Variants in SYT1 observed in about 807,000 individuals in gnomAD.
SYT1 encodes synaptotagmin-1.
In SYT1, 8 loss-of-function variants were observed where a neutral mutation model predicts 44.8. The observed-to-expected ratio is 0.18, with a 90% confidence interval of 0.10 to 0.32. SYT1 has a LOEUF of 0.32. Among genes scored for constraint, SYT1 ranks in the 10% least tolerant of loss-of-function variants. SYT1 has a pLI of 1.00. For synonymous variants in SYT1, 154 were observed against 188.8 expected, an observed-to-expected ratio of 0.82 and a Z score of 1.51; for missense variants, 286 against 509.3, an observed-to-expected ratio of 0.56 and a Z score of 4.22.
intron 1 of SYT1, among the ~76,000 whole-genome samples, chr12:78,959,226 C>T (rs1219023322): frequency 6.6e-6 from 1 of 151,832 alleles, no homozygotes; most frequent in Admixed American, 6.6e-5. Context: ...CATGTATATA[C>T]GTAATTTATA....
chr12:79,160,834 T>C (rs1001112201), intron 3 of SYT1, among the ~76,000 whole-genome samples: 2 of 152,020 alleles, frequency 1.3e-5, no homozygotes, highest in Admixed American at 6.6e-5. Flanking sequence ...ATAGTAAAGG[T>C]TTCAAGCATA....
chr12:78,883,175 G>T (rs977899452), intron 1 of SYT1, among the ~76,000 whole-genome samples: 2 of 151,586 alleles, frequency 1.3e-5, no homozygotes, highest in African/African-American at 4.8e-5. Flanking sequence ...TTATAACAGT[G>T]AACAATTGAT....
At chr12:79,138,092 G>T (rs1869316773) in intron 3 of SYT1, among the ~76,000 whole-genome samples, 1 of 152,112 alleles carries the variant, frequency 6.6e-6, no homozygotes, top group African/African-American at 2.4e-5. Flanking sequence ...TGATTTCCCT[G>T]ATCTTGCCTC....
At chr12:78,876,897 T>TAATATATTATACGTATTATATATAA (rs1874191345) in intron 1 of SYT1, among the ~76,000 whole-genome samples, 1 of 11,128 alleles carries the variant, frequency 9.0e-5, no homozygotes, top group Non-Finnish European at 2.1e-4. Flanking sequence ...ATAATATATA[T>TAATATATTATACGTATTATATATAA]TATATATTAT....
At chr12:78,937,836 G>C (rs1022032768) in intron 1 of SYT1, among the ~76,000 whole-genome samples, 1 of 152,092 alleles carries the variant, frequency 6.6e-6, no homozygotes, top group Non-Finnish European at 1.5e-5. Flanking sequence ...AAAGCTAACT[G>C]GATAATTTTT....
chr12:79,214,726 G>A (rs1874672608), intron 3 of SYT1, among the ~76,000 whole-genome samples: 1 of 152,096 alleles, frequency 6.6e-6, no homozygotes, highest in Admixed American at 6.5e-5. Flanking sequence ...AAACATAGTT[G>A]AGCAATATAC....
intron 8 of SYT1, among the ~76,000 whole-genome samples, chr12:79,313,307 T>C (rs1880900428): frequency 6.6e-6 from 1 of 152,224 alleles, no homozygotes; most frequent in African/African-American, 2.4e-5. Context: ...CAGTGTTTTG[T>C]TGCACCAATT....
intron 1 of SYT1, among the ~76,000 whole-genome samples, chr12:78,881,468 A>G (rs1874451605): frequency 6.6e-6 from 1 of 151,702 alleles, no homozygotes; most frequent in South Asian, 2.1e-4. Flanking sequence ...TATTCTTTGT[A>G]TTCCCATTTA....
chr12:78,998,730 T>C (rs1870538222), intron 2 of SYT1, among the ~76,000 whole-genome samples: 1 of 152,204 alleles, frequency 6.6e-6, no homozygotes, highest in Non-Finnish European at 1.5e-5. Flanking sequence ...ATCTGGTTAC[T>C]TTCTCTGCAA....
At chr12:79,036,396 G>C (rs1592684462) in intron 2 of SYT1, 1 of 151,912 alleles carries the variant, frequency 6.6e-6, no homozygotes, top group East Asian at 1.9e-4. Context: ...AAATATAGAT[G>C]CTAAGAATTT....
chr12:79,347,028 G>A (rs200749618), intron 8 of SYT1, among the ~76,000 whole-genome samples: 1 of 148,778 alleles, frequency 6.7e-6, no homozygotes, highest in Non-Finnish European at 1.5e-5. Context: ...GTTTGTTTGT[G>A]TGTTTGTTTT....
In SYT1 at chr12:79,315,360, ACCAC is replaced by A. The variant is rs1379154424; in HGVS notation, c.810+15811_810+15814del. 5.3e-5 allele frequency among the ~76,000 whole-genome samples: 8 copies of A among 152,190 alleles called. No homozygotes were observed. In the East Asian group the frequency reaches 1.5e-3, roughly 29 times the overall value. On this transcript the variant is annotated intron_variant, in intron 8 of 10. Coordinates refer to ENST00000261205, the MANE Select transcript of SYT1 (RefSeq NM_005639.3). Reference sequence around the variant, plus strand: ...TGAGTAGCTGGGACTGCAGGCTGGCACCACCATGCCCAGCTAATATTTTTTGTTT... The same window carrying A: ...TGAGTAGCTGGGACTGCAGGCTGGCACATGCCCAGCTAATATTTTTTGTTT...
intron 2 of SYT1, among the ~76,000 whole-genome samples, chr12:79,044,940 G>C (rs954377342): frequency 6.6e-6 from 1 of 152,096 alleles, no homozygotes; most frequent in Non-Finnish European, 1.5e-5. Flanking sequence ...TAGGCCGCTC[G>C]GGGGTCAGGG....
chr12:79,311,126 A>G (rs1421755697), intron 8 of SYT1, among the ~76,000 whole-genome samples: 1 of 152,202 alleles, frequency 6.6e-6, no homozygotes, highest in Non-Finnish European at 1.5e-5. Context: ...GTTTTTGCCC[A>G]TTCAGTATGA....
At chr12:79,412,243 T>G (rs1868475693) in intron 9 of SYT1, among the ~76,000 whole-genome samples, 1 of 152,090 alleles carries the variant, frequency 6.6e-6, no homozygotes, top group African/African-American at 2.4e-5. Context: ...CGCCAGTGCT[T>G]AGGAGGAGCC....
intron 1 of SYT1, among the ~76,000 whole-genome samples, chr12:78,934,604 T>C (rs1396557778): frequency 6.6e-6 from 1 of 152,080 alleles, no homozygotes; most frequent in Non-Finnish European, 1.5e-5. Context: ...ATGTCCGGAA[T>C]TGAAAACACC....
At chr12:79,138,033 A>G (rs532419032) in intron 3 of SYT1, among the ~76,000 whole-genome samples, 71 of 152,344 alleles carry the variant, frequency 4.7e-4, no homozygotes, top group African/African-American at 1.6e-3. Flanking sequence ...ACGTCATTCA[A>G]TAATACTTAT....
At chr12:79,304,778 A>G (rs1045911688) in intron 8 of SYT1, among the ~76,000 whole-genome samples, 1 of 152,034 alleles carries the variant, frequency 6.6e-6, no homozygotes, top group Admixed American at 6.6e-5. Flanking sequence ...TTTGTTGTTA[A>G]TCAATTTTAT....
At chr12:79,094,732 C>A (rs1467540391) in intron 3 of SYT1, among the ~76,000 whole-genome samples, 1 of 151,652 alleles carries the variant, frequency 6.6e-6, no homozygotes, top group African/African-American at 2.4e-5. Flanking sequence ...TCCATTTTAG[C>A]TTAGGAGAGA....
Sources: gnomAD v4.1 joint callset for allele counts (sites outside exome capture counted in the v4.1 genomes callset) on GRCh38, gnomAD v4.1.1 for gene constraint, MANE v1.5 for transcripts, NCBI Gene and HGNC (gene_info 2026-07-23, HGNC 2026-07-21) for gene names.